The following KIAA0825 variants were observed in gnomAD, a reference collection of about 807,000 sequenced individuals.
The protein encoded by KIAA0825 is KIAA0825, also known as uncharacterized protein KIAA0825.
A neutral mutation model predicts 147.6 loss-of-function variants in KIAA0825; 119 were observed. The ratio of observed to expected loss-of-function variants is 0.81; its 90% confidence interval spans 0.69 to 0.94. The LOEUF (loss-of-function observed/expected upper bound fraction) is 0.94, where lower values mean the gene tolerates loss of function less well. Ranked by LOEUF, KIAA0825 falls within the 40% of genes least tolerant of loss-of-function variation. The pLI, the probability that KIAA0825 is intolerant of heterozygous loss-of-function variation, is 0.00. For synonymous variants in KIAA0825, 470 were observed against 518.1 expected (o/e 0.91, Z 1.26); for missense variants, 1,381 against 1,472.7 (o/e 0.94, Z 1.02).
intron 15 of KIAA0825, chr5:94,414,859 A>G (rs1466419129): frequency 1.3e-5 from 2 of 152,154 alleles, no homozygotes; most frequent in African/African-American, 4.8e-5. Flanking sequence ...TAGGAGCACA[A>G]ATCCTATTGT....
intron 12 of KIAA0825, among the ~76,000 whole-genome samples, chr5:94,458,049 G>A (rs1759338127): frequency 6.6e-6 from 1 of 152,160 alleles, no homozygotes; most frequent in Non-Finnish European, 1.5e-5. Flanking sequence ...TGAAAAGCTT[G>A]AGATAAGTGA....
intron 20 of KIAA0825, among the ~76,000 whole-genome samples, chr5:94,236,230 G>A (rs868667756): frequency 1.3e-5 from 2 of 152,248 alleles, no homozygotes; most frequent in Non-Finnish European, 2.9e-5. Context: ...TTTGTGACTT[G>A]TGGGAGGAGG....
chr5:94,263,399 T>C (rs1026580256), intron 20 of KIAA0825, among the ~76,000 whole-genome samples: 4 of 152,194 alleles, frequency 2.6e-5, no homozygotes, highest in Admixed American at 2.6e-4. Flanking sequence ...TACTTCATTC[T>C]TTCCCACTTA....
intron 20 of KIAA0825, among the ~76,000 whole-genome samples, chr5:94,155,795 GGTCT>G (rs2149903761): frequency 6.6e-6 from 1 of 152,210 alleles, no homozygotes; most frequent in East Asian, 1.9e-4. Context: ...TTAGGTCATT[GGTCT>G]AACAGGTTTT....
At chr5:94,470,610 A>G (rs544164720) in intron 9 of KIAA0825, among the ~76,000 whole-genome samples, 200 of 152,360 alleles carry the variant, frequency 1.3e-3, no homozygotes, top group African/African-American at 4.6e-3. Flanking sequence ...AAATAAAATG[A>G]TTTCTGGCAC....
intron 1 of KIAA0825, chr5:94,593,226 A>G (rs774375933): frequency 3.7e-5 from 28 of 760,788 alleles, no homozygotes; most frequent in Admixed American, 6.9e-5. Context: ...TTGATATTAA[A>G]CTGCTGTCAG....
At chr5:94,439,713 G>A (rs752047930) in intron 14 of KIAA0825, among the ~76,000 whole-genome samples, 2 of 152,060 alleles carry the variant, frequency 1.3e-5, no homozygotes, top group African/African-American at 2.4e-5. Flanking sequence ...CAAACCCTGC[G>A]TATTGATACA....
intron 1 of KIAA0825, among the ~76,000 whole-genome samples, chr5:94,592,205 T>C (rs765135465): frequency 1.3e-5 from 2 of 152,194 alleles, no homozygotes; most frequent in Non-Finnish European, 2.9e-5. Context: ...GGCAAATCTC[T>C]TCCACCTATG....
intron 20 of KIAA0825, among the ~76,000 whole-genome samples, chr5:94,326,156 TAAGGAAAATCACTTTACCCACTATCA>T (rs1468031938): frequency 6.6e-6 from 1 of 152,124 alleles, no homozygotes; most frequent in Non-Finnish European, 1.5e-5. Context: ...TTTCTCTCAA[TAAGGAAAATCACTTTACCCACTATCA>T]TGCTTGTTCT....
intron 20 of KIAA0825, among the ~76,000 whole-genome samples, chr5:94,365,790 A>G (rs255180): frequency 0.37 from 56,153 of 152,164 alleles, 11,262 homozygotes; most frequent in African/African-American, 0.54. Flanking sequence ...GACTGCCTTT[A>G]CAGGACTAAC....
chr5:94,580,242 A>C lies in KIAA0825; in HGVS notation c.-2+2191T>G, dbSNP rs947105965. Reference sequence around the variant, plus strand: ...GCCAGGTGTTTCAATCAAGAAGAAGATGAGAGCTAGAAAGTGTTTTTGGTT... The same window carrying C: ...GCCAGGTGTTTCAATCAAGAAGAAGCTGAGAGCTAGAAAGTGTTTTTGGTT... On this transcript the variant is annotated intron_variant, in intron 2 of 20. Coordinates refer to ENST00000682413, the MANE Select transcript of KIAA0825 (RefSeq NM_001145678.3). Among the ~76,000 whole-genome samples the C allele has an allele frequency of 4.6e-5, 7 of 152,196 alleles. No individual in the cohort carries two copies. In the South Asian group the frequency reaches 8.3e-4, roughly 18 times the overall value.
intron 20 of KIAA0825, among the ~76,000 whole-genome samples, chr5:94,344,300 G>A (rs1782749144): frequency 6.6e-6 from 1 of 152,090 alleles, no homozygotes; most frequent in Non-Finnish European, 1.5e-5. Context: ...TCAACTGCAT[G>A]CAAGAATCTC....
intron 1 of KIAA0825, among the ~76,000 whole-genome samples, chr5:94,615,310 C>T (rs1424586785): frequency 6.6e-6 from 1 of 152,082 alleles, no homozygotes; most frequent in Non-Finnish European, 1.5e-5. Context: ...ATCCATCAAA[C>T]TCCTATATGT....
At chr5:94,176,033 C>T (rs926817128) in intron 20 of KIAA0825, among the ~76,000 whole-genome samples, 2 of 152,002 alleles carry the variant, frequency 1.3e-5, no homozygotes, top group East Asian at 3.8e-4. Context: ...TGCTAAATCC[C>T]CTTGCTGTGG....
chr5:94,351,956 C>G (rs886347135), intron 20 of KIAA0825, among the ~76,000 whole-genome samples: 2 of 152,174 alleles, frequency 1.3e-5, no homozygotes, highest in Non-Finnish European at 2.9e-5. Context: ...AACCTAAGAT[C>G]TGAGACTATA....
chr5:94,258,160 C>A (rs907164538), intron 20 of KIAA0825, among the ~76,000 whole-genome samples: 1 of 151,980 alleles, frequency 6.6e-6, no homozygotes, highest in South Asian at 2.1e-4. Context: ...ACATTAAATT[C>A]ATATGCTCTT....
At chr5:94,474,291 C>G (rs1208770073) in intron 7 of KIAA0825, among the ~76,000 whole-genome samples, 1 of 152,090 alleles carries the variant, frequency 6.6e-6, no homozygotes, top group Admixed American at 6.6e-5. Context: ...TATATTTTCT[C>G]CAGGTCTCCT....
chr5:94,294,967 C>T (rs1778071380), intron 20 of KIAA0825, among the ~76,000 whole-genome samples: 2 of 152,178 alleles, frequency 1.3e-5, no homozygotes, highest in South Asian at 4.1e-4. Context: ...ATGTTGGCCT[C>T]TCTTGCTAGG....
At chr5:94,186,265 T>C (rs1394234995) in intron 20 of KIAA0825, among the ~76,000 whole-genome samples, 1 of 152,252 alleles carries the variant, frequency 6.6e-6, no homozygotes, top group Non-Finnish European at 1.5e-5. Context: ...GTTTAGTTTA[T>C]TTTTAATTTT....
Sources: allele counts gnomAD v4.1 joint callset (sites outside exome capture counted in the v4.1 genomes callset), GRCh38; gene constraint gnomAD v4.1.1; transcripts MANE v1.5; gene names NCBI Gene and HGNC (gene_info 2026-07-23, HGNC 2026-07-21).